FKBP9: variants seen among roughly 807,000 people sequenced by gnomAD.
FKBP9 encodes the protein peptidyl-prolyl cis-trans isomerase FKBP9.
FKBP9 carries 27 observed loss-of-function variants against 55.6 expected under a neutral mutation model. The observed-to-expected ratio is 0.49, with a 90% CI of 0.36 to 0.67. FKBP9 has a LOEUF of 0.67. Among genes scored for constraint, FKBP9 ranks in the 30% least tolerant of loss-of-function variants. The pLI is 0.00. For synonymous variants in FKBP9, 267 were observed against 296.5 expected (o/e 0.90, Z 1.02); for missense variants, 539 against 742.8 (o/e 0.73, Z 3.19).
At chr7:32,968,951 C>G (rs1230224811) in intron 1 of FKBP9, among the ~76,000 whole-genome samples, 1 of 152,200 alleles carries the variant, frequency 6.6e-6, no homozygotes, top group Non-Finnish European at 1.5e-5. Flanking sequence ...AGCCACCATG[C>G]CTGGCCTGCA....
intron 7 of FKBP9, among the ~76,000 whole-genome samples, chr7:32,996,662 C>CT (rs1328125537): frequency 6.1e-4 from 86 of 140,676 alleles, no homozygotes; most frequent in African/African-American, 1.8e-3. Context: ...TCCTTCCTTG[C>CT]TCCCTCCCTC....
intron 5 of FKBP9, among the ~76,000 whole-genome samples, chr7:32,987,346 A>G (rs1243730343): frequency 6.6e-6 from 1 of 151,920 alleles, no homozygotes; most frequent in Non-Finnish European, 1.5e-5. Context: ...AAATACAAAA[A>G]TGAGCCAGGC....
chr7:32,967,685 T>TA lies in FKBP9; in HGVS notation c.222-6932_222-6931insA, dbSNP rs551450502. 2.6e-4 allele frequency among the ~76,000 whole-genome samples: 40 copies of TA among 152,364 alleles called. 1 individual carries two copies. In the South Asian group the frequency reaches 8.3e-3, roughly 32 times the overall value. On this transcript the variant is annotated intron_variant, in intron 1 of 9. Transcript: ENST00000242209. ...TTGGCTATTGTAAATCGTGCTGAGT[T>TA]GAACATGTGTGTGCAAATATCTGAG...
chr7:32,982,719 G>T (rs551674598), intron 5 of FKBP9, among the ~76,000 whole-genome samples: 142 of 152,152 alleles, frequency 9.3e-4, no homozygotes, highest in African/African-American at 3.3e-3. Flanking sequence ...CCAGATTTCT[G>T]TTCATATAAT....
At chr7:32,986,920 G>A (rs1784590776) in intron 5 of FKBP9, among the ~76,000 whole-genome samples, 1 of 152,158 alleles carries the variant, frequency 6.6e-6, no homozygotes, top group Admixed American at 6.5e-5. Context: ...TGGACTTGTG[G>A]CATATGAAGT....
At chr7:32,984,468 G>C (rs919790092) in intron 5 of FKBP9, among the ~76,000 whole-genome samples, 2 of 152,104 alleles carry the variant, frequency 1.3e-5, no homozygotes, top group African/African-American at 4.8e-5. Context: ...ATTTCGGCCT[G>C]GTTGGTATCA....
chr7:32,992,834 C>T (rs1237840605), intron 6 of FKBP9: 6 of 229,014 alleles, frequency 2.6e-5, no homozygotes, highest in African/African-American at 6.7e-5. Context: ...AAACTTCCTA[C>T]GCACACAGAG....
At chr7:32,978,223 A>G (rs1380251560) in intron 4 of FKBP9, among the ~76,000 whole-genome samples, 2 of 149,396 alleles carry the variant, frequency 1.3e-5, no homozygotes, top group Non-Finnish European at 3.0e-5. Context: ...TGCCTGGCCC[A>G]CTTTTATATA....
At chr7:32,998,245 T>A (rs140204542) in intron 7 of FKBP9, among the ~76,000 whole-genome samples, 16,410 of 151,940 alleles carry the variant, frequency 0.11, 1,260 homozygotes, top group Non-Finnish European at 0.17. Flanking sequence ...AAATGGTCCA[T>A]GAGGTTAGAA....
intron 1 of FKBP9, among the ~76,000 whole-genome samples, chr7:32,972,783 C>T (rs1207629626): frequency 2.6e-5 from 4 of 152,168 alleles, no homozygotes; most frequent in Admixed American, 1.3e-4. Context: ...AGTGCAGTGG[C>T]ACCATCTCAG....
intron 1 of FKBP9, among the ~76,000 whole-genome samples, chr7:32,963,982 A>T (rs142603003): frequency 1.1e-3 from 167 of 152,382 alleles, no homozygotes; most frequent in African/African-American, 3.7e-3. Flanking sequence ...AAGAGCCAGT[A>T]GGCTGGACAG....
At chr7:33,000,856 C>G (rs184627892) in intron 8 of FKBP9, among the ~76,000 whole-genome samples, 1 of 152,224 alleles carries the variant, frequency 6.6e-6, no homozygotes, top group Admixed American at 6.5e-5. Context: ...TCATGGCTAA[C>G]TGCAGCCTTG....
At chr7:32,993,968 A>C (rs1562573640) in intron 6 of FKBP9, among the ~76,000 whole-genome samples, 1 of 152,232 alleles carries the variant, frequency 6.6e-6, no homozygotes, top group Non-Finnish European at 1.5e-5. Context: ...TGTTGTGAAT[A>C]ATGCTTAATG....
intron 1 of FKBP9, among the ~76,000 whole-genome samples, chr7:32,960,154 C>A (rs1447779126): frequency 6.8e-6 from 1 of 146,632 alleles, no homozygotes; most frequent in South Asian, 2.2e-4. Flanking sequence ...CTCTTGTCAC[C>A]CAGGCTGGAG....
intron 4 of FKBP9, among the ~76,000 whole-genome samples, chr7:32,977,213 C>T (rs1445869715): frequency 2.0e-5 from 3 of 152,174 alleles, no homozygotes; most frequent in Non-Finnish European, 4.4e-5. Flanking sequence ...ATTTCAGGTG[C>T]GTTTAGTCAT....
chr7:32,970,021 A>G (rs2127978591), intron 1 of FKBP9, among the ~76,000 whole-genome samples: 1 of 151,482 alleles, frequency 6.6e-6, no homozygotes, highest in South Asian at 2.1e-4. Flanking sequence ...AAAATTCCGT[A>G]TGAATTTTAG....
At chr7:32,967,516 G>T (rs1386331634) in intron 1 of FKBP9, among the ~76,000 whole-genome samples, 1 of 152,094 alleles carries the variant, frequency 6.6e-6, no homozygotes, top group South Asian at 2.1e-4. Context: ...TTCATTTTAC[G>T]TAATCTCCTC....
chr7:33,005,741 AT>A lies in FKBP9; in HGVS notation c.*399del, dbSNP rs1236266511. 35 of 233,442 alleles carry A rather than the reference AT, an allele frequency of 1.5e-4. No individual in the cohort carries two copies. The highest frequency in any genetic ancestry group is 3.7e-4 in the East Asian group (6 of 16,426). The allele number at this position is 233,442 out of a possible 1,614,324, so 14.5% of individuals were successfully genotyped here. Reference sequence around the variant, plus strand: ...AGGGTATCTATATAAAGAGGGTTAAATTTTTTTTTAACTTGCTGGTTAAAAC... The same window carrying A: ...AGGGTATCTATATAAAGAGGGTTAAATTTTTTTTAACTTGCTGGTTAAAAC... On this transcript the variant is annotated 3_prime_UTR_variant, in exon 10 of 10. Coordinates refer to ENST00000242209, the MANE Select transcript of FKBP9 (RefSeq NM_007270.5).
intron 5 of FKBP9, 80 bp downstream of exon 5, chr7:32,980,633 T>C (rs1374083052): frequency 2.3e-5 from 35 of 1,555,550 alleles, no homozygotes; most frequent in Non-Finnish European, 1.7e-6. Flanking sequence ...ATGATTTAAA[T>C]ACTCTGTCCA....
Sources: gnomAD v4.1 joint callset for allele counts (sites outside exome capture counted in the v4.1 genomes callset) on GRCh38, gnomAD v4.1.1 for gene constraint, MANE v1.5 for transcripts, NCBI Gene and HGNC (gene_info 2026-07-23, HGNC 2026-07-21) for gene names.